The following CHST7 variants were observed in gnomAD, a reference collection of about 807,000 sequenced individuals.
The protein encoded by CHST7 is carbohydrate sulfotransferase 7.
Under a neutral mutation model 9.0 loss-of-function variants are expected in CHST7, and 5 were observed. The observed-to-expected ratio is 0.56, with a 90% CI of 0.29 to 1.17. The LOEUF is 1.17. CHST7 is among the 50% of genes most tolerant of loss of function. The probability of loss-of-function intolerance (pLI) is 0.08; values close to 1 mark genes in which losing one functional copy is unlikely to be tolerated. For missense variants in CHST7, 377 were observed against 485.1 expected (o/e 0.78, Z 2.09); for synonymous variants, 244 against 237.1 (o/e 1.03, Z -0.27).
intron 1 of CHST7, among the ~76,000 whole-genome samples, chrX:46,576,151 CCT>C (rs778871770): frequency 4.8e-5 from 5 of 104,616 alleles, no homozygotes; most frequent in Non-Finnish European, 5.9e-5. Flanking sequence ...CCCCTCCTTC[CCT>C]CTCTCATTTC....
intron 1 of CHST7, among the ~76,000 whole-genome samples, chrX:46,594,325 C>G (rs1869670885): frequency 9.0e-6 from 1 of 111,064 alleles, no homozygotes; most frequent in African/African-American, 3.3e-5. Flanking sequence ...GTCAGGAGTT[C>G]AAGACCAGCC....
chrX:46,584,206 C>T (rs925056181), intron 1 of CHST7, among the ~76,000 whole-genome samples: 1 of 111,057 alleles, frequency 9.0e-6, no homozygotes, highest in Non-Finnish European at 1.9e-5. Context: ...GAGGTAGACA[C>T]GTTTTGCTTA....
At chrX:46,593,944 C>G (rs745592506) in intron 1 of CHST7, among the ~76,000 whole-genome samples, 51 of 112,070 alleles carry the variant, frequency 4.6e-4, no homozygotes, top group African/African-American at 1.6e-3. Flanking sequence ...AAAATTTTCT[C>G]TACATATATT....
Position 46,573,994 on chromosome X carries a change from C to T in CHST7, c.63C>T (p.Tyr21=), listed in dbSNP as rs61575462. 3.1e-3 allele frequency: 3,556 copies of T among 1,156,744 alleles called. 73 individuals are homozygous for T. In the African/African-American group the frequency reaches 0.054, roughly 18 times the overall value. Residue 21 remains tyrosine, a synonymous_variant, in exon 1 of 2, where the codon TAC becomes TAT. Transcript: ENST00000276055. ...AGTTCGCGCTGCTGTTGGTGCTGTA[C>T]ACGCTGGTGCTGTTGCTCGTCCCCT... The part of the protein sequence containing the change: ...YCKFALLLVL[Y]TLVLLLVPSV...
At chrX:46,582,963 T>C (rs1381155472) in intron 1 of CHST7, among the ~76,000 whole-genome samples, 4 of 94,119 alleles carry the variant, frequency 4.2e-5, no homozygotes, top group Non-Finnish European at 8.4e-5. Flanking sequence ...TTTTTTTTTT[T>C]GTCTTGGCAG....
intron 1 of CHST7, among the ~76,000 whole-genome samples, chrX:46,587,232 A>G (rs1287774442): frequency 9.0e-6 from 1 of 110,744 alleles, no homozygotes; most frequent in African/African-American, 3.3e-5. Context: ...ACTCACGTGG[A>G]TTGAGATTTT....
chrX:46,581,117 C>A (rs1335169613), intron 1 of CHST7, among the ~76,000 whole-genome samples: 1 of 107,225 alleles, frequency 9.3e-6, no homozygotes, highest in Admixed American at 1.0e-4. Flanking sequence ...CACCTGTAGT[C>A]CCAGCTACGC....
chrX:46,574,407 C>T lies in CHST7; in HGVS notation c.476C>T (p.Ser159Leu). 8.3e-7 allele frequency: 1 copy of T among 1,208,228 alleles called. No individual in the cohort carries two copies. Among genetic ancestry groups the T allele is most frequent in the Non-Finnish European group, 1.1e-6 (1 of 895,243 alleles). ...GGCGCGCTGCGCGACATGCTGCGTT[C>T]GCTCTTCCGCTGCGACTTCTCCGTG... The part of the protein sequence containing the change: ...LQGALRDMLR[S>L]LFRCDFSVLR... The change falls in exon 1 of 2, where the codon TCG (serine) becomes TTG (leucine). Residue 159 changes from serine to leucine, a missense_variant. Ser to Leu is a moderately radical substitution (Grantham distance 145, BLOSUM62 -2). Around this residue, in one of 3 missense-constraint regions of CHST7, gnomAD observed 239 missense variants for 325.7 expected, o/e 0.73. Coordinates refer to ENST00000276055, the MANE Select transcript of CHST7 (RefSeq NM_019886.4).
intron 1 of CHST7, among the ~76,000 whole-genome samples, chrX:46,581,125 C>T (rs1189895157): frequency 9.4e-6 from 1 of 106,862 alleles, no homozygotes; most frequent in African/African-American, 3.4e-5. Context: ...GTCCCAGCTA[C>T]GCGGGAGGCT....
chrX:46,591,750 G>A (rs1256825160), intron 1 of CHST7, among the ~76,000 whole-genome samples: 1 of 111,177 alleles, frequency 9.0e-6, no homozygotes, highest in Non-Finnish European at 1.9e-5. Flanking sequence ...TGCTGAACAT[G>A]CAGGTTTGTT....
chrX:46,578,017 G>A (rs1942507274), intron 1 of CHST7, among the ~76,000 whole-genome samples: 1 of 111,029 alleles, frequency 9.0e-6, no homozygotes, highest in South Asian at 3.8e-4. Context: ...TTGGCAGTGA[G>A]GGAGTCAGTG....
At chrX:46,577,142 T>TTC (rs1281189188) in intron 1 of CHST7, among the ~76,000 whole-genome samples, 75 of 106,595 alleles carry the variant, frequency 7.0e-4, no homozygotes, top group Non-Finnish European at 1.3e-3. Flanking sequence ...TTTTTTTTTT[T>TTC]TCATTTTTAC....
intron 1 of CHST7, among the ~76,000 whole-genome samples, chrX:46,581,834 A>T (rs946733877): frequency 2.2e-4 from 24 of 110,983 alleles, no homozygotes; most frequent in Non-Finnish European, 3.4e-4. Context: ...ACCTCAGGTG[A>T]TCTGCCCGCC....
At chrX:46,583,835 C>T (rs1423464239) in intron 1 of CHST7, among the ~76,000 whole-genome samples, 1 of 111,996 alleles carries the variant, frequency 8.9e-6, no homozygotes, top group Non-Finnish European at 1.9e-5. Flanking sequence ...CTTCTTCTAT[C>T]TAACTGTGTG....
Position 46,574,256 on chromosome X carries a change from A to C in CHST7, c.325A>C (p.Thr109Pro). The C allele has an allele frequency of 8.3e-7, 1 of 1,211,388 alleles. No individual in the cohort carries two copies. The highest frequency in any genetic ancestry group is 1.8e-5 in the South Asian group (1 of 56,921). The change falls in exon 1 of 2, where the codon ACC becomes CCC. Residue 109 changes from threonine (T) to proline (P), a missense_variant. Transcript: ENST00000276055. ...REKQHIYVHA[T>P]WRTGSSFLGE... ...GAAGCAGCACATCTACGTGCATGCCACCTGGCGCACCGGCTCGTCCTTCCT... is the reference window on the plus strand; with the variant it reads ...GAAGCAGCACATCTACGTGCATGCCCCCTGGCGCACCGGCTCGTCCTTCCT...
In CHST7 at chrX:46,574,903, C is replaced by CG; in HGVS notation, c.977dup (p.Gln327ProfsTer50). ...TGGCGCACGGCGTGGGTGCTCGCCC[C>CG]GGGGGCCAGTCTCGCGCGCTGCCCG... On this transcript the variant is annotated frameshift_variant, in exon 1 of 2. Transcript: ENST00000276055. LOFTEE classifies it low-confidence loss of function (END_TRUNC). The CG allele has an allele frequency of 8.7e-7, 1 of 1,155,029 alleles. No homozygotes were observed.
At chrX:46,578,423 C>T (rs746220062) in intron 1 of CHST7, among the ~76,000 whole-genome samples, 19 of 107,014 alleles carry the variant, frequency 1.8e-4, no homozygotes, top group African/African-American at 5.5e-4. Flanking sequence ...CCCACAGGTG[C>T]GTACCACCAC....
Position 46,574,547 on chromosome X carries a change from CTG to C in CHST7, c.620_621del (p.Cys207SerfsTer59). 1.7e-6 allele frequency: 2 copies of C among 1,207,751 alleles called. No homozygotes were observed. The highest frequency in any genetic ancestry group is 1.1e-6 in the Non-Finnish European group (1 of 893,321). On this transcript the variant is annotated frameshift_variant, in exon 1 of 2. Transcript: ENST00000276055. LOFTEE classifies it low-confidence loss of function (END_TRUNC). ...TAACAAGGTCATCTGCTCGCCGCCA[CTG>C]TGTCCTGGCGCACCCCGTGCCCGGG... The part of the protein sequence containing the change: ...RTNKVICSPP[L>X]CPGAPRARAE...
At chrX:46,582,669 C>T (rs1301270121) in intron 1 of CHST7, among the ~76,000 whole-genome samples, 3 of 111,570 alleles carry the variant, frequency 2.7e-5, no homozygotes, top group African/African-American at 9.8e-5. Flanking sequence ...AAAAATTATC[C>T]CTTTAGAAAA....
Sources: allele counts gnomAD v4.1 joint callset (sites outside exome capture counted in the v4.1 genomes callset), GRCh38; gene constraint gnomAD v4.1.1; regional missense constraint gnomAD v4.1.1; transcripts MANE v1.5; gene names NCBI Gene and HGNC (gene_info 2026-07-23, HGNC 2026-07-21).